Variants in CENPL observed in about 807,000 individuals in gnomAD.
CENPL encodes centromere protein L, also known as interphase centromere complex protein 33.
A neutral mutation model predicts 35.2 loss-of-function variants in CENPL; 20 were observed. That is an observed-to-expected ratio of 0.57 (90% CI 0.40 to 0.83). CENPL has a LOEUF of 0.83. Ranked by LOEUF, CENPL falls within the 40% of genes least tolerant of loss-of-function variation. CENPL has a pLI of 0.00. For missense variants in CENPL, 363 were observed against 395.8 expected, an observed-to-expected ratio of 0.92 and a Z score of 0.70; for synonymous variants, 140 against 140.6, an observed-to-expected ratio of 1.00 and a Z score of 0.03.
chr1:173,811,497 A>C (rs1650821840), intron 2 of CENPL, among the ~76,000 whole-genome samples, 191 bp from the exon 3 acceptor site: 1 of 152,236 alleles, frequency 6.6e-6, no homozygotes, highest in Non-Finnish European at 1.5e-5. Flanking sequence ...TATATCTTAC[A>C]GATACCTCAA....
At position 173,807,518 on chromosome 1, in the gene CENPL, C is replaced by T. The variant is rs761125900; in HGVS notation, c.169G>A (p.Glu57Lys). The T allele has an allele frequency of 6.9e-6, 10 of 1,447,670 alleles. No individual in the cohort carries two copies. In the African/African-American group the frequency reaches 9.9e-5, roughly 14 times the overall value. 89.7% of individuals were successfully genotyped at this position (1,447,670 alleles called of 1,614,324 possible). A position where few individuals can be genotyped will look rare whatever the true frequency, so the allele number is the denominator to read the frequency against. The change falls in exon 4 of 6, where the codon GAA becomes AAA. Residue 57 changes from glutamate to lysine, a missense_variant and splice_region_variant. By Grantham distance (56) the Glu-to-Lys change is moderately conservative (BLOSUM62 1). Coordinates refer to ENST00000682279, the MANE Select transcript of CENPL (RefSeq NM_001387287.1). ...GCAACCTTTTGAGGGTCAACATCTT[C>T]CTATAAAAAAAAATCAAGACAAAAG... ...RKIPQCSQLQ[E>K]DVDPQKVAFL...
chr1:173,814,541 G>T (rs188057418), intron 2 of CENPL, among the ~76,000 whole-genome samples: 1 of 152,078 alleles, frequency 6.6e-6, no homozygotes, highest in Admixed American at 6.6e-5. Context: ...ATTCAAAACC[G>T]CCCAACTACA....
intron 2 of CENPL, among the ~76,000 whole-genome samples, chr1:173,814,659 G>C (rs1651179908): frequency 6.6e-6 from 1 of 152,196 alleles, no homozygotes; most frequent in African/African-American, 2.4e-5. Context: ...CAATGTACCA[G>C]AATCTCTGGG....
intron 4 of CENPL, among the ~76,000 whole-genome samples, chr1:173,805,426 G>A (rs886522997): frequency 6.6e-6 from 1 of 150,702 alleles, no homozygotes; most frequent in South Asian, 2.1e-4. Flanking sequence ...GAGGAGGGAG[G>A]ACTACTTGAA....
At position 173,803,053 on chromosome 1, in the gene CENPL, G is replaced by A; in HGVS notation, c.873C>T (p.Phe291=). The part of the protein sequence containing the change: ...DLFMDCLYSH[F]HRHFKIHLSA... ...ATAAATGAATTTTGAAATGTCTATG[G>A]AAATGTGAATAAAGGCAATCCATGA... Residue 291 remains phenylalanine (F), a synonymous_variant, in exon 5 of 6, where the codon TTC becomes TTT. Coordinates refer to ENST00000682279, the MANE Select transcript of CENPL (RefSeq NM_001387287.1). 1 of 1,613,654 alleles carries A rather than the reference G, an allele frequency of 6.2e-7. No homozygotes were observed. The highest frequency in any genetic ancestry group is 1.3e-5 in the African/African-American group (1 of 75,034).
At chr1:173,804,384 C>G (rs541828171) in intron 4 of CENPL, among the ~76,000 whole-genome samples, 225 of 152,312 alleles carry the variant, frequency 1.5e-3, no homozygotes, top group Non-Finnish European at 2.7e-3. Flanking sequence ...AACCATTCAC[C>G]TATGACATAC....
Position 173,800,510 on chromosome 1 carries a change from GAC to G in CENPL, c.971_972del (p.Cys324SerfsTer2). The G allele has an allele frequency of 6.9e-7, 1 of 1,441,884 alleles. No homozygotes were observed. The highest frequency in any genetic ancestry group is 9.7e-7 in the Non-Finnish European group (1 of 1,033,522). The allele number at this position is 1,441,884 out of a possible 1,614,324, so 89.3% of individuals were successfully genotyped here. ...AHTDGKIKIL[C>X]HKYLIGVLAY... ...GCTAACACTCCAATAAGGTATTTAT[GAC>G]ACAGAATCTGCAAAAAGAAAAAGAA... On this transcript the variant is annotated frameshift_variant, in exon 6 of 6. Coordinates refer to ENST00000682279, the MANE Select transcript of CENPL (RefSeq NM_001387287.1). LOFTEE classifies it high-confidence loss of function.
At chr1:173,803,605 T>A in intron 4 of CENPL, 100 bp from the exon 5 acceptor site, 2 of 1,069,162 alleles carry the variant, frequency 1.9e-6, no homozygotes, top group African/African-American at 3.2e-5. Context: ...CGAGCCAATG[T>A]AATACTTGCA....
chr1:173,820,411 G>C (rs1651834257), intron 2 of CENPL, among the ~76,000 whole-genome samples: 1 of 151,840 alleles, frequency 6.6e-6, no homozygotes, highest in Admixed American at 6.6e-5. Flanking sequence ...AGCCACTCCA[G>C]AGGCTGAGGC....
chr1:173,811,434 T>C (rs965052396), intron 2 of CENPL, 128 bp from the exon 3 acceptor site: 6 of 644,618 alleles, frequency 9.3e-6, no homozygotes, highest in Non-Finnish European at 1.3e-5. Flanking sequence ...ATCCCCAGTT[T>C]TGACTTTTAA....
At chr1:173,810,017 C>A (rs544620306) in intron 3 of CENPL, among the ~76,000 whole-genome samples, 1 of 152,254 alleles carries the variant, frequency 6.6e-6, no homozygotes, top group East Asian at 1.9e-4. Context: ...TGGGTATATA[C>A]CCAAAGGAAT....
At chr1:173,801,976 T>C (rs1649791352) in intron 5 of CENPL, among the ~76,000 whole-genome samples, 2 of 151,532 alleles carry the variant, frequency 1.3e-5, no homozygotes, top group South Asian at 2.1e-4. Context: ...TTAGCTGAGA[T>C]AGCACCACTG....
chr1:173,811,400 C>A (rs1650810487), intron 2 of CENPL, 94 bp from the exon 3 acceptor site: 2 of 859,546 alleles, frequency 2.3e-6, no homozygotes, highest in East Asian at 5.1e-5. Context: ...GGAATCCTTT[C>A]TCTTTCTGTC....
chr1:173,812,300 T>G (rs1480032089), intron 2 of CENPL, among the ~76,000 whole-genome samples: 1 of 152,200 alleles, frequency 6.6e-6, no homozygotes, highest in Non-Finnish European at 1.5e-5. Context: ...GTCTGACAGC[T>G]CTGAAGAGAG....
intron 4 of CENPL, 27 bp downstream of exon 4, chr1:173,807,240 G>A (rs1650317473): frequency 6.7e-7 from 1 of 1,493,062 alleles, no homozygotes; most frequent in Non-Finnish European, 9.0e-7. Flanking sequence ...TTTCCCCTAG[G>A]AAGCAAGAAC....
chr1:173,803,549 T>G (rs754560579), intron 4 of CENPL, 44 bp from the exon 5 acceptor site: 53 of 1,482,184 alleles, frequency 3.6e-5, no homozygotes, highest in African/African-American at 7.0e-5. Context: ...AAAGTACATT[T>G]ACTTCTAAAT....
chr1:173,811,865 G>T (rs1174208437), intron 2 of CENPL, among the ~76,000 whole-genome samples: 1 of 152,228 alleles, frequency 6.6e-6, no homozygotes, highest in Non-Finnish European at 1.5e-5. Context: ...GTGGGGCATT[G>T]CCCCACCTGG....
Position 173,824,836 on chromosome 1 carries a change from G to A in CENPL, c.-726C>T, listed in dbSNP as rs1049913930. ...TTGTTTTCCGGTTCTGGCCGCGGGA[G>A]CCTCTCGAGAAGCGTGGAAAGAGGA... On this transcript the variant is annotated 5_prime_UTR_variant, in exon 1 of 6. Coordinates refer to ENST00000682279, the MANE Select transcript of CENPL (RefSeq NM_001387287.1). 1 of 198,686 alleles carries A rather than the reference G, an allele frequency of 5.0e-6. No individual in the cohort carries two copies. The highest frequency in any genetic ancestry group is 1.1e-5 in the Non-Finnish European group (1 of 94,088). 12.3% of individuals were successfully genotyped at this position (198,686 alleles called of 1,614,324 possible).
intron 4 of CENPL, among the ~76,000 whole-genome samples, chr1:173,804,499 G>C (rs943684141): frequency 1.3e-5 from 2 of 152,158 alleles, no homozygotes; most frequent in Non-Finnish European, 2.9e-5. Context: ...ATTCGGGGAA[G>C]GAAGGGGGAA....
Sources: allele counts gnomAD v4.1 joint callset (sites outside exome capture counted in the v4.1 genomes callset), GRCh38; gene constraint gnomAD v4.1.1; transcripts MANE v1.5; gene names NCBI Gene and HGNC (gene_info 2026-07-23, HGNC 2026-07-21).